Variants in CRYBG3 observed in about 807,000 individuals in gnomAD.
CRYBG3 encodes crystallin beta-gamma domain containing 3, also known as very large A-kinase anchor protein.
CRYBG3 carries 127 observed loss-of-function variants against 244.2 expected under a neutral mutation model. The ratio of observed to expected loss-of-function variants is 0.52; its 90% confidence interval spans 0.45 to 0.60. CRYBG3 has a LOEUF of 0.60. Among genes scored for constraint, CRYBG3 ranks in the 20% least tolerant of loss-of-function variants. CRYBG3 has a pLI of 0.00. For missense variants in CRYBG3, 3,325 were observed against 3,442.5 expected (o/e 0.97, Z 0.85); for synonymous variants, 1,132 against 1,195.8 (o/e 0.95, Z 1.10).
chr3:97,840,839 C>T (rs997202835), intron 1 of CRYBG3: 2 of 151,990 alleles, frequency 1.3e-5, no homozygotes, highest in Non-Finnish European at 2.9e-5. Context: ...TTGTCAAGGT[C>T]AGCATTATTC....
intron 2 of CRYBG3, among the ~76,000 whole-genome samples, chr3:97,851,101 C>T (rs2038979631): frequency 1.3e-5 from 2 of 150,092 alleles, no homozygotes; most frequent in Non-Finnish European, 2.9e-5. Context: ...CCACTGCACT[C>T]CAGCCTGGGT....
chr3:97,874,306 GA>G lies in CRYBG3; in HGVS notation c.3116del (p.Lys1039ArgfsTer15). The G allele has an allele frequency of 6.5e-7, 1 of 1,527,614 alleles. No individual in the cohort carries two copies. Among genetic ancestry groups the G allele is most frequent in the Non-Finnish European group, 8.7e-7 (1 of 1,144,878 alleles). The allele number at this position is 1,527,614 out of a possible 1,614,324, so 94.6% of individuals were successfully genotyped here. On this transcript the variant is annotated frameshift_variant, in exon 4 of 22. Coordinates refer to ENST00000389622, the MANE Select transcript of CRYBG3 (RefSeq NM_153605.4). LOFTEE classifies it high-confidence loss of function. ...TAAAGTACCTTCTGTGCTGAAATTG[GA>G]AAAGAAATCCTCATCTTACAGAAAG... Reference protein sequence around the residue: ...FLKVPSVLKLEKKSSSYRKKE... With the variant: ...FLKVPSVLKLXKKSSSYRKKE...
chr3:97,822,380 G>C (rs752781314), intron 1 of CRYBG3, 25 bp downstream of exon 1: 1 of 1,486,336 alleles, frequency 6.7e-7, no homozygotes, highest in Non-Finnish European at 8.9e-7. Context: ...GGGGGTCGCG[G>C]GGGGGCCCTG....
intron 1 of CRYBG3, among the ~76,000 whole-genome samples, chr3:97,841,662 G>A (rs996159406): frequency 2.0e-5 from 3 of 151,804 alleles, no homozygotes; most frequent in Non-Finnish European, 2.9e-5. Context: ...CCTCCTCTCC[G>A]GGCCTTCCAC....
intron 10 of CRYBG3, among the ~76,000 whole-genome samples, chr3:97,890,238 C>G (rs1410598665): frequency 6.6e-6 from 1 of 152,154 alleles, no homozygotes; most frequent in Non-Finnish European, 1.5e-5. Flanking sequence ...AATGCTTGAG[C>G]CTGGGCTGCA....
chr3:97,858,827 G>A (rs1040757075), intron 2 of CRYBG3, among the ~76,000 whole-genome samples: 4 of 151,846 alleles, frequency 2.6e-5, no homozygotes, highest in Non-Finnish European at 5.9e-5. Flanking sequence ...TCTTTTCTTG[G>A]TTGTCTGTTA....
At chr3:97,858,574 G>GT (rs2039099824) in intron 2 of CRYBG3, among the ~76,000 whole-genome samples, 1 of 152,080 alleles carries the variant, frequency 6.6e-6, no homozygotes, top group South Asian at 2.1e-4. Flanking sequence ...AAGTTCAGAA[G>GT]TTTTTTCTGC....
chr3:97,842,108 G>A (rs1254214150), intron 1 of CRYBG3, among the ~76,000 whole-genome samples: 2 of 152,108 alleles, frequency 1.3e-5, no homozygotes, highest in Admixed American at 6.6e-5. Context: ...ACTAGACTGA[G>A]TTTTGCAAAG....
chr3:97,904,267 G>A (rs2039738607), intron 15 of CRYBG3, among the ~76,000 whole-genome samples: 2 of 152,152 alleles, frequency 1.3e-5, no homozygotes, highest in Admixed American at 6.6e-5. Context: ...GCATATTTTT[G>A]TAGAATTGGT....
chr3:97,898,348 G>C (rs114797070), intron 12 of CRYBG3, among the ~76,000 whole-genome samples: 1 of 151,724 alleles, frequency 6.6e-6, no homozygotes. Context: ...GTCTTTTGCC[G>C]GTTTATCTGT....
chr3:97,941,409 C>T (rs2107111375), intron 20 of CRYBG3, 103 bp downstream of exon 20: 5 of 752,994 alleles, frequency 6.6e-6, no homozygotes, highest in South Asian at 2.9e-5. Context: ...AATGCAACTT[C>T]TTAGAAACAG....
chr3:97,876,212 C>A lies in CRYBG3; in HGVS notation c.5018C>A (p.Thr1673Lys), dbSNP rs1020394623. 1.6e-6 allele frequency: 2 copies of A among 1,231,048 alleles called. No homozygotes were observed. The highest frequency in any genetic ancestry group is 6.3e-5 in the East Asian group (2 of 31,654). The allele number at this position is 1,231,048 out of a possible 1,614,324, so 76.3% of individuals were successfully genotyped here. ...GTAGACATGGAAAATATTTACCAAA[C>A]GCATGCTGAAGGGGATATTGGCAAG... The part of the protein sequence containing the change: ...VTVDMENIYQ[T>K]HAEGDIGKTG... Residue 1673 changes from threonine (T) to lysine (K), a missense_variant, in exon 4 of 22, where the codon ACG becomes AAG. Physicochemically the swap from Thr to Lys is moderately conservative, Grantham distance 78. Around this residue, in one of 4 missense-constraint regions of CRYBG3, gnomAD observed 635 missense variants for 771.7 expected, o/e 0.82. Transcript: ENST00000389622.
At chr3:97,895,327 TTTAGA>T (rs1345845965) in intron 11 of CRYBG3, among the ~76,000 whole-genome samples, 2 of 152,206 alleles carry the variant, frequency 1.3e-5, no homozygotes, top group African/African-American at 4.8e-5. Flanking sequence ...TACTGATAGT[TTTAGA>T]TTAGAAGTCA....
chr3:97,862,416 G>C (rs2039163839), intron 2 of CRYBG3, among the ~76,000 whole-genome samples: 1 of 152,008 alleles, frequency 6.6e-6, no homozygotes, highest in Non-Finnish European at 1.5e-5. Context: ...TTCTTCAAGT[G>C]GCGACATAGG....
rs751459762 is a variant in CRYBG3 at position 97,899,188 on chromosome 3, A to C, written c.7896A>C (p.Glu2632Asp). 5 of 1,613,906 alleles carry C rather than the reference A, an allele frequency of 3.1e-6. No individual in the cohort carries two copies. The South Asian group carries it at 5.5e-5, about 18-fold the overall frequency. ...TCTGTGGAGAACAATACATTTTAGA[A>C]AAAGGGAAATACAAATGCTTTTTTG... ...KFFCGEQYILEKGKYKCFFDW... is the reference protein window; with the variant it reads ...KFFCGEQYILDKGKYKCFFDW... The change falls in exon 14 of 22, where the codon GAA (glutamate) becomes GAC (aspartate). Residue 2632 changes from glutamate to aspartate, a missense_variant. Physicochemically the swap from Glu to Asp is conservative, Grantham distance 45. Transcript: ENST00000389622.
chr3:97,915,857 A>G, intron 17 of CRYBG3, 121 bp downstream of exon 17: 1 of 799,800 alleles, frequency 1.3e-6, no homozygotes, highest in East Asian at 2.8e-5. Context: ...TCTGAAAAAT[A>G]TGAATAATTC....
rs191051457 is a variant in CRYBG3, at chr3:97,874,001, T to C, written c.2807T>C (p.Leu936Pro). 1 of 1,534,584 alleles carries C rather than the reference T, an allele frequency of 6.5e-7. No homozygotes were observed. Among genetic ancestry groups the C allele is most frequent in the African/African-American group, 1.4e-5 (1 of 73,030 alleles). Residue 936 changes from leucine to proline, a missense_variant, in exon 4 of 22, where the codon CTT becomes CCT. This residue lies in a region of CRYBG3 where 1,526 missense variants were observed against 1,443.2 expected (regional missense o/e 1.06). Coordinates refer to ENST00000389622, the MANE Select transcript of CRYBG3 (RefSeq NM_153605.4). ...VDALGSPPAL[L>P]KSNISWILPP... ...GCCTTAGGCTCTCCTCCTGCTCTTC[T>C]TAAAAGTAATATATCTTGGATTTTA...
At chr3:97,845,730 C>T (rs548555400) in intron 2 of CRYBG3, among the ~76,000 whole-genome samples, 2 of 152,346 alleles carry the variant, frequency 1.3e-5, no homozygotes, top group East Asian at 3.9e-4. Context: ...ACTGCCTTTC[C>T]TTGGCCCTTG....
At chr3:97,860,558 G>A (rs1223537736) in intron 2 of CRYBG3, among the ~76,000 whole-genome samples, 1 of 152,138 alleles carries the variant, frequency 6.6e-6, no homozygotes, top group Non-Finnish European at 1.5e-5. Context: ...GATGAATATT[G>A]TAAGTAGAGA....
Sources: gnomAD v4.1 joint callset for allele counts (sites outside exome capture counted in the v4.1 genomes callset) on GRCh38, gnomAD v4.1.1 for gene constraint, gnomAD v4.1.1 regional missense constraint, MANE v1.5 for transcripts, NCBI Gene and HGNC (gene_info 2026-07-23, HGNC 2026-07-21) for gene names.